Variants in SCAI observed in about 807,000 individuals in gnomAD.
SCAI encodes the protein suppressor of cancer cell invasion, also known as protein SCAI.
A neutral mutation model predicts 92.2 loss-of-function variants in SCAI; 24 were observed. The observed-to-expected ratio is 0.26, with a 90% CI of 0.19 to 0.37. The LOEUF (loss-of-function observed/expected upper bound fraction) is 0.37, where lower values mean the gene tolerates loss of function less well. Ranked by LOEUF, SCAI falls within the 10% of genes least tolerant of loss-of-function variation. SCAI has a pLI of 1.00. For missense variants in SCAI, 450 were observed against 736.2 expected, an observed-to-expected ratio of 0.61 and a Z score of 4.50; for synonymous variants, 261 against 258.6, an observed-to-expected ratio of 1.01 and a Z score of -0.09.
In SCAI at chr9:125,138,439, C is replaced by A. The variant is rs978300281; in HGVS notation, c.98+4194G>T. 3.3e-5 allele frequency among the ~76,000 whole-genome samples: 5 copies of A among 149,738 alleles called. No individual in the cohort carries two copies. In the South Asian group the frequency reaches 8.5e-4, roughly 26 times the overall value. Reference sequence around the variant, plus strand: ...CCCAGCCAATTTTTTTTTTTTGAGGCGGAGTCTCGCTGTCGCCCAGGCTGG... The same window carrying A: ...CCCAGCCAATTTTTTTTTTTTGAGGAGGAGTCTCGCTGTCGCCCAGGCTGG... On this transcript the variant is annotated intron_variant, in intron 2 of 17. Transcript: ENST00000336505.
intron 17 of SCAI, among the ~76,000 whole-genome samples, chr9:124,970,362 A>C (rs931357413): frequency 1.3e-5 from 2 of 152,212 alleles, no homozygotes; most frequent in Non-Finnish European, 2.9e-5. Context: ...TGGATTCATA[A>C]ATATGTTGTG....
rs971549758 is a variant in SCAI, at chr9:124,952,833, A to C, written c.1795T>G (p.Phe599Val). 15 of 1,613,510 alleles carry C rather than the reference A, an allele frequency of 9.3e-6. No individual in the cohort carries two copies. Among genetic ancestry groups the C allele is most frequent in the African/African-American group, 1.3e-5 (1 of 75,040 alleles). The change falls in exon 18 of 18, where the codon TTT becomes GTT. Residue 599 changes from phenylalanine to valine, a missense_variant. Phe to Val is a conservative substitution (Grantham distance 50, BLOSUM62 -1). Coordinates refer to ENST00000336505, the MANE Select transcript of SCAI (RefSeq NM_001144877.3). ...ASILDVRNVFFENTIDDY is the reference protein window; with the variant it reads ...ASILDVRNVFVENTIDDY ...TAATAGTCATCAATGGTATTCTCAA[A>C]GAACACGTTTCGAACATCCAGAATG...
intron 13 of SCAI, among the ~76,000 whole-genome samples, 198 bp downstream of exon 13, chr9:124,999,693 C>T (rs2131628817): frequency 6.6e-6 from 1 of 152,190 alleles, no homozygotes; most frequent in South Asian, 2.1e-4. Context: ...GAATATCAAC[C>T]AAAAGTTCTA....
chr9:124,960,115 T>G (rs537528431), intron 17 of SCAI, among the ~76,000 whole-genome samples: 1 of 152,302 alleles, frequency 6.6e-6, no homozygotes, highest in Admixed American at 6.5e-5. Context: ...CACTGCAATT[T>G]CTTATAAAAC....
rs71374207 is a variant in SCAI at position 124,944,466 on chromosome 9, A to ATTTTTTTTTTTTTTTTTTTTTTTTTTTT, written c.*8340_*8341insAAAAAAAAAAAAAAAAAAAAAAAAAAAA. 2 of 84,726 alleles carry ATTTTTTTTTTTTTTTTTTTTTTTTTTTT rather than the reference A, an allele frequency of 2.4e-5. No homozygotes were observed. The highest frequency in any genetic ancestry group is 2.1e-5 in the Non-Finnish European group (1 of 47,520). The allele number at this position is 84,726 out of a possible 1,614,324, so 5.2% of individuals were successfully genotyped here. ...AGGCGCACACCACCATGCCTGGCTAATTTTTTTTTTTTTTTTTTTTTTTTT... is the reference window on the plus strand; with the variant it reads ...AGGCGCACACCACCATGCCTGGCTAATTTTTTTTTTTTTTTTTTTTTTTTTTTTTTTTTTTTTTTTTTTTTTTTTTTTT... On this transcript the variant is annotated 3_prime_UTR_variant, in exon 18 of 18. Transcript: ENST00000336505.
chr9:125,007,668 A>AT (rs1021809969), intron 9 of SCAI, among the ~76,000 whole-genome samples: 1 of 148,804 alleles, frequency 6.7e-6, no homozygotes, highest in African/African-American at 2.6e-5. Flanking sequence ...AAAAAAAAAA[A>AT]TTTTTTTTAA....
chr9:124,987,724 G>A (rs1464643511), intron 14 of SCAI, among the ~76,000 whole-genome samples: 1 of 152,146 alleles, frequency 6.6e-6, no homozygotes, highest in Non-Finnish European at 1.5e-5. Flanking sequence ...CACTTTGGGA[G>A]GCCGAGCTGA....
At chr9:125,010,101 A>G (rs1832600156) in intron 9 of SCAI, among the ~76,000 whole-genome samples, 1 of 152,190 alleles carries the variant, frequency 6.6e-6, no homozygotes, top group Non-Finnish European at 1.5e-5. Context: ...TCCCAGGGTA[A>G]GCGACGCAGA....
chr9:125,064,480 A>T (rs1052195807), intron 2 of SCAI, among the ~76,000 whole-genome samples: 38 of 152,170 alleles, frequency 2.5e-4, no homozygotes, highest in Non-Finnish European at 2.9e-4. Flanking sequence ...AGATGTCACA[A>T]ATAATTAAAA....
chr9:125,124,999 T>A (rs1835230620), intron 2 of SCAI, among the ~76,000 whole-genome samples: 1 of 152,104 alleles, frequency 6.6e-6, no homozygotes. Flanking sequence ...GGTGGGCAGA[T>A]CACCTGAGGT....
At position 125,003,135 on chromosome 9, in the gene SCAI, G is replaced by A; in HGVS notation, c.1044C>T (p.Thr348=). ...ATACCTTAAAAGACGCTGCTAAGAA[G>A]GTATATAGCTGGCTGAAGGTTGGTT... ...LYKPTFSQLY[T]FLAASFKELP... is the part of the protein sequence containing the mutation. The change falls in exon 11 of 18, where the codon ACC becomes ACT. Residue 348 remains threonine (T), a synonymous_variant. Coordinates refer to ENST00000336505, the MANE Select transcript of SCAI (RefSeq NM_001144877.3). 1 of 1,612,906 alleles carries A rather than the reference G, an allele frequency of 6.2e-7. No individual in the cohort carries two copies. The highest frequency in any genetic ancestry group is 8.5e-7 in the Non-Finnish European group (1 of 1,178,896).
At chr9:125,005,023 G>A (rs1832474969) in intron 9 of SCAI, among the ~76,000 whole-genome samples, 1 of 150,606 alleles carries the variant, frequency 6.6e-6, no homozygotes, top group Non-Finnish European at 1.5e-5. Flanking sequence ...CCCGACCTCA[G>A]ATGATCCTCC....
rs764858681 is a variant in SCAI at position 125,073,092 on chromosome 9, A to ATTTTT, written c.99-17090_99-17086dup. On this transcript the variant is annotated intron_variant, in intron 2 of 17. Transcript: ENST00000336505. ...GGATCATATGAGGATTCTATTTTTA[A>ATTTTT]TTTTTTTTTTTTTTTTTTTTTTTTT... Among the ~76,000 whole-genome samples the ATTTTT allele has an allele frequency of 9.8e-4, 71 of 72,480 alleles. 4 individuals are homozygous for ATTTTT. Among genetic ancestry groups the ATTTTT allele is most frequent in the African/African-American group, 2.4e-3 (45 of 18,512 alleles). The allele number at this position is 72,480 out of a possible 152,430, so 47.5% of individuals were successfully genotyped here. A position where few individuals can be genotyped will look rare whatever the true frequency, so the allele number is the denominator to read the frequency against.
intron 14 of SCAI, among the ~76,000 whole-genome samples, chr9:124,981,128 T>C (rs1233169552): frequency 6.6e-6 from 1 of 152,200 alleles, no homozygotes; most frequent in Admixed American, 6.5e-5. Flanking sequence ...AGAAAAATTA[T>C]AGCAAATATA....
At chr9:125,053,146 C>T (rs12236595) in intron 3 of SCAI, among the ~76,000 whole-genome samples, 1,879 of 152,190 alleles carry the variant, frequency 0.012, 95 homozygotes, top group Admixed American at 0.083. Context: ...ACCAGCCTGG[C>T]CAACATAGTG....
chr9:125,070,487 C>T (rs1052869222), intron 2 of SCAI, among the ~76,000 whole-genome samples: 2 of 150,992 alleles, frequency 1.3e-5, no homozygotes, highest in Non-Finnish European at 2.9e-5. Flanking sequence ...GCAAGCTCCA[C>T]CTCCAGGATT....
intron 17 of SCAI, among the ~76,000 whole-genome samples, chr9:124,958,956 G>GTAAAGATT (rs1431354505): frequency 1.3e-5 from 2 of 150,254 alleles, no homozygotes. Context: ...GTAACTTTAA[G>GTAAAGATT]TAAAGATTTC....
chr9:125,032,195 A>ATATATATATATTTTTT (rs1177865840), intron 3 of SCAI, among the ~76,000 whole-genome samples: 3 of 99,472 alleles, frequency 3.0e-5, no homozygotes, highest in African/African-American at 9.5e-5. Flanking sequence ...ATATATATAT[A>ATATATATATATTTTTT]TTTTTTTTTT....
rs896075783 is a variant in SCAI at position 124,989,529 on chromosome 9, C to T, written c.1326+5405G>A. On this transcript the variant is annotated intron_variant, in intron 14 of 17. Transcript: ENST00000336505. ...CTGGGAGGCGGAGGTTGCAGTGAGC[C>T]GATATCACATCACTGCACTCCAGCC... 5.9e-5 allele frequency among the ~76,000 whole-genome samples: 9 copies of T among 151,710 alleles called. 1 individual carries two copies. Among genetic ancestry groups the T allele is most frequent in the Admixed American group, 5.9e-4 (9 of 15,216 alleles).
Sources: gnomAD v4.1 joint callset for allele counts (sites outside exome capture counted in the v4.1 genomes callset) on GRCh38, gnomAD v4.1.1 for gene constraint, MANE v1.5 for transcripts, NCBI Gene and HGNC (gene_info 2026-07-23, HGNC 2026-07-21) for gene names.